Variants in ANKFN1 observed in about 807,000 individuals in gnomAD.
ANKFN1 encodes the protein ankyrin repeat and fibronectin type-III domain-containing protein 1.
A neutral mutation model predicts 108.7 loss-of-function variants in ANKFN1; 74 were observed. That is an observed-to-expected ratio of 0.68 (90% CI 0.56 to 0.83). The LOEUF (loss-of-function observed/expected upper bound fraction) is 0.83, where lower values mean the gene tolerates loss of function less well. ANKFN1 is among the 40% of genes least tolerant of loss of function. ANKFN1 has a pLI of 0.00. For synonymous variants in ANKFN1, 547 were observed against 516.2 expected (o/e 1.06, Z -0.81); for missense variants, 1,505 against 1,382.3 (o/e 1.09, Z -1.41).
chr17:56,510,891 C>T lies in ANKFN1; in HGVS notation c.3063C>T (p.His1021=). 1.3e-6 allele frequency: 2 copies of T among 1,536,180 alleles called. No homozygotes were observed. The highest frequency in any genetic ancestry group is 1.7e-6 in the Non-Finnish European group (2 of 1,146,908). ...GCCATCATCGCTGGTTGCGCATCCACAGCGAGACCCAGTCGCTATCGCTCT... is the reference window on the plus strand; with the variant it reads ...GCCATCATCGCTGGTTGCGCATCCATAGCGAGACCCAGTCGCTATCGCTCT... The part of the protein sequence containing the change: ...FSRHHRWLRI[H]SETQSLSLSE... Residue 1021 remains histidine, a synonymous_variant, in exon 21 of 21, where the codon CAC becomes CAT. Transcript: ENST00000682825.
At chr17:56,197,467 G>A (rs138434365) in intron 1 of ANKFN1, among the ~76,000 whole-genome samples, 59 of 152,286 alleles carry the variant, frequency 3.9e-4, no homozygotes, top group African/African-American at 1.4e-3. Flanking sequence ...TCGGATGGAG[G>A]TGTCCCTAGT....
intron 18 of ANKFN1, 101 bp from the exon 19 acceptor site, chr17:56,492,086 A>C (rs771061315): frequency 9.4e-6 from 6 of 638,592 alleles, no homozygotes; most frequent in Non-Finnish European, 1.7e-5. Flanking sequence ...TGATAGGATT[A>C]ATAAATCATG....
intron 3 of ANKFN1, among the ~76,000 whole-genome samples, chr17:56,298,690 G>T (rs7220803): frequency 0.15 from 18,570 of 121,596 alleles, 1,286 homozygotes; most frequent in African/African-American, 0.26. Context: ...TATATATATA[G>T]AGAGAGAGAG....
chr17:56,253,025 T>C (rs2043273365), intron 3 of ANKFN1, among the ~76,000 whole-genome samples: 1 of 152,198 alleles, frequency 6.6e-6, no homozygotes, highest in South Asian at 2.1e-4. Context: ...TTTGTGTCAC[T>C]GCATCCAACC....
At chr17:56,498,620 T>C (rs1466628069) in intron 19 of ANKFN1, among the ~76,000 whole-genome samples, 1 of 152,202 alleles carries the variant, frequency 6.6e-6, no homozygotes, top group East Asian at 1.9e-4. Context: ...AGTATAGTGC[T>C]AATAAGTGAT....
rs146974014 is a variant in ANKFN1, at chr17:56,161,223, C to T, written c.-71+7693C>T. On this transcript the variant is annotated intron_variant, in intron 1 of 20. Transcript: ENST00000682825. Reference sequence around the variant, plus strand: ...TAAATTGCTTAGCATAGTATAAATACAGCAAATTCTATCGTGGTAGTATCA... The same window carrying T: ...TAAATTGCTTAGCATAGTATAAATATAGCAAATTCTATCGTGGTAGTATCA... Among the ~76,000 whole-genome samples, 209 of 152,252 alleles carry T rather than the reference C, an allele frequency of 1.4e-3. 1 individual carries two copies. Among genetic ancestry groups the T allele is most frequent in the Non-Finnish European group, 2.5e-3 (168 of 68,010 alleles).
chr17:56,394,873 G>T (rs908536264), intron 8 of ANKFN1, among the ~76,000 whole-genome samples: 1 of 152,128 alleles, frequency 6.6e-6, no homozygotes, highest in Non-Finnish European at 1.5e-5. Flanking sequence ...AATAGTCCGC[G>T]ACTGCTTTCT....
intron 1 of ANKFN1, among the ~76,000 whole-genome samples, chr17:56,172,601 G>A (rs1484084398): frequency 6.6e-6 from 1 of 152,146 alleles, no homozygotes; most frequent in African/African-American, 2.4e-5. Flanking sequence ...CAGGACATGG[G>A]AGGTGCCAAC....
chr17:56,260,945 T>A (rs1255454161), intron 3 of ANKFN1, among the ~76,000 whole-genome samples: 1 of 152,236 alleles, frequency 6.6e-6, no homozygotes, highest in African/African-American at 2.4e-5. Flanking sequence ...AGCATGCAAA[T>A]ACAGTAGACT....
Position 56,512,868 on chromosome 17 carries a change from C to T in ANKFN1, c.*1599C>T, listed in dbSNP as rs1023478538. On this transcript the variant is annotated 3_prime_UTR_variant, in exon 21 of 21. Transcript: ENST00000682825. ...CATTAGAAAACTAAAGCCCAGAGCT[C>T]AGACTTTATTTTTTTAAGAGATTTT... Among the ~76,000 whole-genome samples, 2 of 152,220 alleles carry T rather than the reference C, an allele frequency of 1.3e-5. No homozygotes were observed.
At chr17:56,061,618 A>AT (rs1163474763) in intron 4 of ANKFN1, among the ~76,000 whole-genome samples, 2 of 151,852 alleles carry the variant, frequency 1.3e-5, no homozygotes, top group African/African-American at 2.4e-5. Flanking sequence ...CCCCTTCATC[A>AT]TTTTTTATTG....
At chr17:56,509,872 C>T in intron 20 of ANKFN1, among the ~76,000 whole-genome samples, 1 of 152,144 alleles carries the variant, frequency 6.6e-6, no homozygotes, top group East Asian at 1.9e-4. Context: ...GATTTTCCAC[C>T]ATCAACAGAC....
chr17:56,110,618 G>A (rs1487819570), intron 4 of ANKFN1, among the ~76,000 whole-genome samples: 3 of 152,100 alleles, frequency 2.0e-5, no homozygotes, highest in Non-Finnish European at 4.4e-5. Flanking sequence ...ATGAGTGAAG[G>A]CAAAGTGAAT....
At chr17:56,213,492 C>T (rs909659142) in intron 2 of ANKFN1, among the ~76,000 whole-genome samples, 1 of 152,160 alleles carries the variant, frequency 6.6e-6, no homozygotes, top group African/African-American at 2.4e-5. Context: ...ATCCCTCATT[C>T]ATATGTGGGA....
intron 4 of ANKFN1, among the ~76,000 whole-genome samples, chr17:56,085,173 T>C (rs991462028): frequency 2.0e-5 from 2 of 98,708 alleles, no homozygotes; most frequent in African/African-American, 8.9e-5. Context: ...AATGTTGCCC[T>C]CCAAAGCATA....
At chr17:56,160,534 G>A (rs1000304199) in intron 1 of ANKFN1, among the ~76,000 whole-genome samples, 4 of 152,138 alleles carry the variant, frequency 2.6e-5, no homozygotes, top group Admixed American at 6.5e-5. Flanking sequence ...GAAAGTAAAG[G>A]TTTATTCATT....
upstream of ANKFN1, among the ~76,000 whole-genome samples, chr17:56,152,386 A>ATTATTACT (rs1908710725): frequency 6.6e-6 from 1 of 151,752 alleles, no homozygotes; most frequent in Non-Finnish European, 1.5e-5. Context: ...AGAGATACCT[A>ATTATTACT]TTATTACTTC....
rs60149030 is a variant in ANKFN1 at position 56,094,474 on chromosome 17, CTTTT to C, written c.288+48170_288+48173del. Among the ~76,000 whole-genome samples the C allele has an allele frequency of 0.021, 1,569 of 75,998 alleles. 52 individuals carry two copies. In the East Asian group the frequency reaches 0.25, roughly 12 times the overall value. 49.9% of individuals were successfully genotyped at this position (75,998 alleles called of 152,430 possible). A position where few individuals can be genotyped will look rare whatever the true frequency, so the allele number is the denominator to read the frequency against. ...CTGTCTCAGTTCTCAGTTGTTTCTTCTTTTTTTTTTTTTTTTTTTTTTTTGAGGC... is the reference window on the plus strand; with the variant it reads ...CTGTCTCAGTTCTCAGTTGTTTCTTCTTTTTTTTTTTTTTTTTTTTGAGGC... On this transcript the variant is annotated intron_variant, in intron 4 of 12. Coordinates refer to the ANKFN1 transcript ENST00000635860.
At chr17:56,447,729 T>C (rs780813217) in intron 10 of ANKFN1, among the ~76,000 whole-genome samples, 4 of 152,234 alleles carry the variant, frequency 2.6e-5, no homozygotes, top group Non-Finnish European at 4.4e-5. Flanking sequence ...ATGCCTATCA[T>C]GTAATAGGCA....
Sources: allele counts gnomAD v4.1 joint callset (sites outside exome capture counted in the v4.1 genomes callset), GRCh38; gene constraint gnomAD v4.1.1; transcripts MANE v1.5; gene names NCBI Gene and HGNC (gene_info 2026-07-23, HGNC 2026-07-21).